MARK2: variants seen among roughly 807,000 people sequenced by gnomAD.
The protein encoded by MARK2 is microtubule affinity regulating kinase 2, also known as serine/threonine-protein kinase MARK2.
In MARK2, 16 loss-of-function variants were observed where a neutral mutation model predicts 89.8. That is an observed-to-expected ratio of 0.18 (90% CI 0.12 to 0.27). The LOEUF (loss-of-function observed/expected upper bound fraction) is 0.27. MARK2 is among the 10% of genes least tolerant of loss of function. The probability of loss-of-function intolerance (pLI) is 1.00; values close to 1 mark genes in which losing one functional copy is unlikely to be tolerated. For synonymous variants in MARK2, 382 were observed against 399.5 expected (o/e 0.96, Z 0.52); for missense variants, 621 against 1,049.9 (o/e 0.59, Z 5.65).
At chr11:63,885,892 G>A (rs1299506398) in intron 1 of MARK2, among the ~76,000 whole-genome samples, 1 of 151,922 alleles carries the variant, frequency 6.6e-6, no homozygotes, top group African/African-American at 2.4e-5. Context: ...ACTTTGGGAG[G>A]CCAAGGTGAG....
chr11:63,853,316 T>C (rs2016666932), intron 1 of MARK2, among the ~76,000 whole-genome samples: 1 of 152,092 alleles, frequency 6.6e-6, no homozygotes, highest in Non-Finnish European at 1.5e-5. Context: ...GGAGAATCGT[T>C]TGAACCCAAG....
At chr11:63,872,397 G>GT (rs1224961990) in intron 1 of MARK2, among the ~76,000 whole-genome samples, 1 of 152,148 alleles carries the variant, frequency 6.6e-6, no homozygotes, top group African/African-American at 2.4e-5. Context: ...CAGGGTCCAG[G>GT]TCACAGCCGG....
chr11:63,850,141 T>TG (rs2016493969), intron 1 of MARK2: 1 of 149,624 alleles, frequency 6.7e-6, no homozygotes, highest in African/African-American at 2.5e-5. Context: ...CATTTCTGTT[T>TG]TTTTGTTTGT....
rs147275565 is a variant in MARK2, at chr11:63,865,305, C to T, written c.54+25745C>T. Among the ~76,000 whole-genome samples the T allele has an allele frequency of 6.3e-3, 950 of 151,402 alleles. 14 individuals carry two copies. The highest frequency in any genetic ancestry group is 0.022 in the African/African-American group (910 of 41,220). ...CTCAGCTGGAGTGCAGTGGTGTGAT[C>T]TCAGCTCACTGCAGCCTCGGCCCCC... On this transcript the variant is annotated intron_variant, in intron 1 of 18. Coordinates refer to ENST00000402010, the MANE Select transcript of MARK2 (RefSeq NM_001039469.3).
chr11:63,898,923 C>G, intron 6 of MARK2, 90 bp downstream of exon 6: 1 of 1,310,700 alleles, frequency 7.6e-7, no homozygotes, highest in Non-Finnish European at 1.1e-6. Context: ...GTAAGTGGCC[C>G]TTGGAGGGTA....
intron 1 of MARK2, among the ~76,000 whole-genome samples, chr11:63,846,531 T>A (rs1287088217): frequency 6.6e-6 from 1 of 151,822 alleles, no homozygotes; most frequent in East Asian, 1.9e-4. Context: ...AATTTTTGTA[T>A]TTTTAGTAGA....
At chr11:63,877,633 G>A (rs990771403) in intron 1 of MARK2, among the ~76,000 whole-genome samples, 2 of 151,942 alleles carry the variant, frequency 1.3e-5, no homozygotes, top group South Asian at 2.1e-4. Flanking sequence ...TGGGGAGGTC[G>A]AGGCTGTAGT....
chr11:63,854,586 A>G (rs1230029418), intron 1 of MARK2, among the ~76,000 whole-genome samples: 5 of 151,596 alleles, frequency 3.3e-5, no homozygotes, highest in Non-Finnish European at 5.9e-5. Context: ...TGTAATCCCA[A>G]CACTTTCGGA....
chr11:63,839,379 G>T lies in MARK2; in HGVS notation c.-128G>T, dbSNP rs2015884172. On this transcript the variant is annotated 5_prime_UTR_variant, in exon 1 of 19. Coordinates refer to ENST00000402010, the MANE Select transcript of MARK2 (RefSeq NM_001039469.3). ...GCGTGAGCGGCTGCCCGGCCTCCCC[G>T]CACCCCCGGCCGGGGCCCATGCGGC... is the stretch of plus-strand genomic sequence containing the variant. 1.7e-6 allele frequency: 1 copy of T among 582,358 alleles called. No homozygotes were observed. The highest frequency in any genetic ancestry group is 2.0e-5 in the African/African-American group (1 of 49,928). 36.1% of individuals were successfully genotyped at this position (582,358 alleles called of 1,614,324 possible). A position where few individuals can be genotyped will look rare whatever the true frequency, so the allele number is the denominator to read the frequency against.
At chr11:63,849,971 T>A (rs1469692805) in intron 1 of MARK2, 3 of 152,254 alleles carry the variant, frequency 2.0e-5, no homozygotes, top group Admixed American at 2.0e-4. Flanking sequence ...ATGATCATTG[T>A]CATTATTGTT....
intron 16 of MARK2, 80 bp from the exon 17 acceptor site, chr11:63,906,008 C>T: frequency 1.6e-6 from 2 of 1,221,068 alleles, no homozygotes; most frequent in South Asian, 2.7e-5. Flanking sequence ...ACCTCCCCCA[C>T]CTGCTTATCC....
chr11:63,906,043 T>A, intron 16 of MARK2, 45 bp from the exon 17 acceptor site: 1 of 1,355,244 alleles, frequency 7.4e-7, no homozygotes, highest in Non-Finnish European at 9.5e-7. Context: ...TGGTTTTTTT[T>A]TTATTTCTTT....
At chr11:63,889,245 C>T (rs1051201745) in intron 1 of MARK2, among the ~76,000 whole-genome samples, 6 of 152,176 alleles carry the variant, frequency 3.9e-5, no homozygotes, top group Admixed American at 2.6e-4. Flanking sequence ...TGCTCCCGTG[C>T]TACAGTGAGG....
chr11:63,885,681 A>G (rs1449831756), intron 1 of MARK2, among the ~76,000 whole-genome samples: 1 of 151,984 alleles, frequency 6.6e-6, no homozygotes, highest in East Asian at 1.9e-4. Context: ...TAAAAATACA[A>G]AAATGATCTG....
At position 63,909,874 on chromosome 11, in the gene MARK2, G is replaced by A. The variant is rs576316989; in HGVS notation, c.*637G>A. The A allele has an allele frequency of 3.9e-5, 6 of 152,794 alleles. 1 individual carries two copies. The South Asian group carries it at 1.2e-3, about 32-fold the overall frequency. 9.5% of individuals were successfully genotyped at this position (152,794 alleles called of 1,614,324 possible). ...GGGGTGCTGCGCAGCCCTGCAGTGG[G>A]TGGGGCTGGGGGCTGCTCCGGGGCT... On this transcript the variant is annotated 3_prime_UTR_variant, in exon 19 of 19. Transcript: ENST00000402010.
intron 1 of MARK2, chr11:63,888,595 G>T: frequency 9.0e-7 from 1 of 1,107,766 alleles, no homozygotes; most frequent in Non-Finnish European, 1.1e-6. Flanking sequence ...CTTGCTTCTG[G>T]TGTGCTGTCC....
intron 1 of MARK2, among the ~76,000 whole-genome samples, chr11:63,849,790 C>G (rs1281585457): frequency 2.0e-5 from 3 of 152,158 alleles, no homozygotes; most frequent in Non-Finnish European, 4.4e-5. Flanking sequence ...GCTAGATTTC[C>G]TGTATTGGAA....
At chr11:63,846,586 C>T (rs1158703000) in intron 1 of MARK2, among the ~76,000 whole-genome samples, 1 of 151,780 alleles carries the variant, frequency 6.6e-6, no homozygotes, top group Non-Finnish European at 1.5e-5. Context: ...GAACTCATGA[C>T]CTCGTGATCT....
chr11:63,866,547 G>A (rs890198602), intron 1 of MARK2, among the ~76,000 whole-genome samples: 18 of 152,082 alleles, frequency 1.2e-4, no homozygotes, highest in African/African-American at 4.3e-4. Context: ...TTCTCAATAA[G>A]AAATGTTTAG....
Sources: allele counts gnomAD v4.1 joint callset (sites outside exome capture counted in the v4.1 genomes callset), GRCh38; gene constraint gnomAD v4.1.1; transcripts MANE v1.5; gene names NCBI Gene and HGNC (gene_info 2026-07-23, HGNC 2026-07-21).